The following PPM1L variants were observed in gnomAD, a reference collection of about 807,000 sequenced individuals.
PPM1L encodes protein phosphatase 1L.
Under a neutral mutation model 31.4 loss-of-function variants are expected in PPM1L, and 13 were observed. The ratio of observed to expected loss-of-function variants is 0.41; its 90% confidence interval spans 0.27 to 0.66. The LOEUF is 0.66. Among genes scored for constraint, PPM1L ranks in the 30% least tolerant of loss-of-function variants. The probability of loss-of-function intolerance (pLI) is 0.29; values close to 1 mark genes in which losing one functional copy is unlikely to be tolerated. For synonymous variants in PPM1L, 184 were observed against 175.4 expected (o/e 1.05, Z -0.39); for missense variants, 326 against 453.7 (o/e 0.72, Z 2.56).
chr3:160,985,225 T>C (rs1417884753), intron 2 of PPM1L, among the ~76,000 whole-genome samples: 1 of 152,188 alleles, frequency 6.6e-6, no homozygotes, highest in Non-Finnish European at 1.5e-5. Context: ...TGTTACATGG[T>C]GATTTCCGAG....
At chr3:160,996,376 T>C (rs1414905559) in intron 2 of PPM1L, among the ~76,000 whole-genome samples, 1 of 152,046 alleles carries the variant, frequency 6.6e-6, no homozygotes, top group Non-Finnish European at 1.5e-5. Context: ...ATTGCAAAAA[T>C]ACGGAACCCA....
chr3:160,856,834 T>G (rs963607876), intron 1 of PPM1L, among the ~76,000 whole-genome samples: 4 of 152,158 alleles, frequency 2.6e-5, no homozygotes, highest in Non-Finnish European at 4.4e-5. Flanking sequence ...AAATTCAGAT[T>G]TTCTTCTTTC....
At chr3:160,819,533 A>G (rs935489729) in intron 1 of PPM1L, among the ~76,000 whole-genome samples, 6 of 151,924 alleles carry the variant, frequency 3.9e-5, no homozygotes, top group Admixed American at 3.3e-4. Flanking sequence ...TTCTCAGCAA[A>G]TAGTTATCAA....
intron 1 of PPM1L, among the ~76,000 whole-genome samples, chr3:160,902,469 G>C (rs1291003367): frequency 1.3e-5 from 2 of 152,106 alleles, no homozygotes; most frequent in Non-Finnish European, 2.9e-5. Flanking sequence ...AAATGGGCAG[G>C]CAGCTTTGCA....
chr3:160,853,684 G>T (rs771777919), intron 1 of PPM1L, among the ~76,000 whole-genome samples: 17 of 96,718 alleles, frequency 1.8e-4, no homozygotes, highest in Non-Finnish European at 2.3e-4. Context: ...TGTTGAAAAT[G>T]ATTGAAAATC....
At chr3:160,870,853 T>G (rs1020379550) in intron 1 of PPM1L, among the ~76,000 whole-genome samples, 1 of 152,214 alleles carries the variant, frequency 6.6e-6, no homozygotes, top group African/African-American at 2.4e-5. Context: ...GTTTTAGCTC[T>G]TGGCAAATCA....
chr3:160,759,574 G>T (rs1714913571), intron 1 of PPM1L, among the ~76,000 whole-genome samples: 1 of 152,098 alleles, frequency 6.6e-6, no homozygotes, highest in South Asian at 2.1e-4. Context: ...TGGTGCCCTG[G>T]GGATACAAGG....
intron 1 of PPM1L, among the ~76,000 whole-genome samples, chr3:160,903,253 T>TA (rs1713623739): frequency 7.0e-6 from 1 of 143,322 alleles, no homozygotes; most frequent in African/African-American, 2.5e-5. Flanking sequence ...TTAAGAGACT[T>TA]ATTCTAAGGA....
intron 1 of PPM1L, among the ~76,000 whole-genome samples, chr3:160,841,181 T>C (rs1713867501): frequency 6.6e-6 from 1 of 152,088 alleles, no homozygotes; most frequent in South Asian, 2.1e-4. Context: ...CTTTTTTTTT[T>C]TATCTATATA....
chr3:160,836,344 A>C (rs933275701), intron 1 of PPM1L, among the ~76,000 whole-genome samples: 1 of 145,654 alleles, frequency 6.9e-6, no homozygotes, highest in Non-Finnish European at 1.5e-5. Flanking sequence ...GAGAGAGAGA[A>C]AGAGAGAGAG....
chr3:161,065,438 G>A lies in PPM1L; in HGVS notation c.610G>A (p.Asp204Asn), dbSNP rs867092730. The A allele has an allele frequency of 1.2e-6, 2 of 1,614,080 alleles. No individual in the cohort carries two copies. Among genetic ancestry groups the A allele is most frequent in the Non-Finnish European group, 1.7e-6 (2 of 1,179,960 alleles). ...TCLIALLSDK[D>N]LTVANVGDSR... ...TTTGATTGCTCTGCTATCAGATAAA[G>A]ACCTCACTGTGGCCAACGTGGGTGA... Residue 204 changes from aspartate to asparagine, a missense_variant, in exon 3 of 4, where the codon GAC becomes AAC. Coordinates refer to ENST00000498165, the MANE Select transcript of PPM1L (RefSeq NM_139245.4).
intron 2 of PPM1L, among the ~76,000 whole-genome samples, chr3:161,039,575 T>C (rs926613114): frequency 6.6e-6 from 1 of 152,156 alleles, no homozygotes; most frequent in Non-Finnish European, 1.5e-5. Flanking sequence ...CAGGCTGGAG[T>C]GCAGGGGTGC....
intron 1 of PPM1L, among the ~76,000 whole-genome samples, chr3:160,863,560 A>G (rs1424496745): frequency 6.6e-6 from 1 of 152,150 alleles, no homozygotes; most frequent in Admixed American, 6.5e-5. Context: ...CCTAGGTCTT[A>G]GGTTTGATGT....
At chr3:161,064,650 TC>T (rs1719670304) in intron 2 of PPM1L, among the ~76,000 whole-genome samples, 2 of 152,176 alleles carry the variant, frequency 1.3e-5, no homozygotes, top group Admixed American at 1.3e-4. Flanking sequence ...ACCAGACCGT[TC>T]AACTCTGTTT....
chr3:160,839,862 G>T (rs1389197339), intron 1 of PPM1L, among the ~76,000 whole-genome samples: 1 of 152,046 alleles, frequency 6.6e-6, no homozygotes, highest in Non-Finnish European at 1.5e-5. Flanking sequence ...AATTTTGGGA[G>T]CCCCGTTGGA....
chr3:160,852,568 T>C (rs1304478838), intron 1 of PPM1L, among the ~76,000 whole-genome samples: 3 of 152,190 alleles, frequency 2.0e-5, no homozygotes, highest in Admixed American at 2.0e-4. Context: ...AAGAACCATA[T>C]AACCCAAATA....
At chr3:160,867,956 C>T (rs1019008464) in intron 1 of PPM1L, among the ~76,000 whole-genome samples, 3 of 152,138 alleles carry the variant, frequency 2.0e-5, no homozygotes, top group African/African-American at 7.2e-5. Context: ...TACTGGGTTA[C>T]ATTTTGCTTG....
intron 1 of PPM1L, among the ~76,000 whole-genome samples, chr3:160,802,132 A>G (rs1489802717): frequency 6.6e-6 from 1 of 151,918 alleles, no homozygotes; most frequent in East Asian, 1.9e-4. Flanking sequence ...TCCTTTCTCA[A>G]CTGCCTCCTT....
chr3:160,981,036 C>T (rs1716780279), intron 2 of PPM1L, among the ~76,000 whole-genome samples: 1 of 152,250 alleles, frequency 6.6e-6, no homozygotes, highest in Admixed American at 6.5e-5. Flanking sequence ...TGACAGAAAC[C>T]AGCAAAATGC....
Sources: allele counts gnomAD v4.1 joint callset (sites outside exome capture counted in the v4.1 genomes callset), GRCh38; gene constraint gnomAD v4.1.1; transcripts MANE v1.5; gene names NCBI Gene and HGNC (gene_info 2026-07-23, HGNC 2026-07-21).